Variants in PHF14 observed in about 807,000 individuals in gnomAD.
PHF14 encodes PHD finger protein 14.
A neutral mutation model predicts 117.9 loss-of-function variants in PHF14; 55 were observed. That is an observed-to-expected ratio of 0.47 (90% CI 0.38 to 0.58). PHF14 has a LOEUF of 0.58. PHF14 is among the 20% of genes least tolerant of loss of function. The pLI, the probability that PHF14 is intolerant of heterozygous loss-of-function variation, is 0.00. For missense variants in PHF14, 978 were observed against 1,122.2 expected, an observed-to-expected ratio of 0.87 and a Z score of 1.84; for synonymous variants, 409 against 368.6, an observed-to-expected ratio of 1.11 and a Z score of -1.26.
intron 9 of PHF14, 146 bp from the exon 10 acceptor site, chr7:11,036,839 C>G (rs1322582081): frequency 1.1e-6 from 1 of 950,802 alleles, no homozygotes; most frequent in Non-Finnish European, 1.6e-6. Context: ...TGGGTTTTTA[C>G]AAAATGCTAG....
intron 16 of PHF14, chr7:11,105,235 A>G (rs913886131): frequency 1.0e-6 from 1 of 960,294 alleles, no homozygotes; most frequent in Non-Finnish European, 1.2e-6. Context: ...TGCATTGTTT[A>G]TAGATCATTG....
At chr7:11,026,722 GTT>G (rs577300752) in intron 6 of PHF14, among the ~76,000 whole-genome samples, 3 of 125,858 alleles carry the variant, frequency 2.4e-5, no homozygotes, top group Non-Finnish European at 1.7e-5. Flanking sequence ...GTTGAAGCTT[GTT>G]TTTTTTTTTT....
intron 17 of PHF14, among the ~76,000 whole-genome samples, chr7:11,154,688 C>G (rs1788791947): frequency 6.6e-6 from 1 of 152,114 alleles, no homozygotes; most frequent in Non-Finnish European, 1.5e-5. Flanking sequence ...ATCATGCAGA[C>G]TATAGAGTAA....
intron 3 of PHF14, among the ~76,000 whole-genome samples, chr7:10,985,461 T>A (rs1391203573): frequency 1.3e-5 from 2 of 151,978 alleles, no homozygotes; most frequent in Non-Finnish European, 2.9e-5. Context: ...CTAAGTTCAT[T>A]TGTAGCAAAA....
At chr7:11,039,552 A>G (rs1286284902) in intron 11 of PHF14, among the ~76,000 whole-genome samples, 3 of 152,110 alleles carry the variant, frequency 2.0e-5, no homozygotes, top group Non-Finnish European at 4.4e-5. Context: ...TTTTTTAAGG[A>G]TGATGGAGAC....
chr7:11,021,492 T>C (rs959822445), intron 5 of PHF14, among the ~76,000 whole-genome samples: 2 of 152,178 alleles, frequency 1.3e-5, no homozygotes, highest in African/African-American at 4.8e-5. Context: ...GAGAATGATA[T>C]ACTTGTATGC....
At chr7:11,090,637 T>C (rs1368383109) in intron 16 of PHF14, among the ~76,000 whole-genome samples, 1 of 152,238 alleles carries the variant, frequency 6.6e-6, no homozygotes, top group African/African-American at 2.4e-5. Context: ...AAAGAAATTG[T>C]GGAATCTTGT....
At chr7:11,164,002 A>C (rs1789126833) in intron 17 of PHF14, among the ~76,000 whole-genome samples, 4 of 152,198 alleles carry the variant, frequency 2.6e-5, no homozygotes, top group African/African-American at 9.6e-5. Flanking sequence ...AACATTATTA[A>C]AGTATAGAGA....
chr7:11,007,285 T>C (rs1166770998), intron 4 of PHF14, among the ~76,000 whole-genome samples: 1 of 152,190 alleles, frequency 6.6e-6, no homozygotes, highest in Non-Finnish European at 1.5e-5. Context: ...ATGGTCTTTG[T>C]CTGTTATATG....
intron 4 of PHF14, among the ~76,000 whole-genome samples, chr7:10,996,703 G>T (rs1314909977): frequency 6.6e-6 from 1 of 152,190 alleles, no homozygotes; most frequent in Non-Finnish European, 1.5e-5. Flanking sequence ...CATTTAGGCT[G>T]GGGTTTAAGT....
intron 17 of PHF14, among the ~76,000 whole-genome samples, chr7:11,131,499 A>C (rs1310139850): frequency 1.3e-5 from 2 of 151,896 alleles, no homozygotes; most frequent in Non-Finnish European, 2.9e-5. Context: ...ATTGGGTTGT[A>C]AAATTATTGT....
At chr7:11,096,127 A>T (rs913015605) in intron 16 of PHF14, among the ~76,000 whole-genome samples, 5 of 152,056 alleles carry the variant, frequency 3.3e-5, no homozygotes, top group African/African-American at 1.2e-4. Context: ...CAGTCATGCA[A>T]AGTTCATTTT....
At chr7:11,160,567 T>C (rs573098568) in intron 17 of PHF14, among the ~76,000 whole-genome samples, 17 of 152,324 alleles carry the variant, frequency 1.1e-4, no homozygotes, top group Admixed American at 3.3e-4. Flanking sequence ...CGTTGTTTTT[T>C]GACTTTTTAA....
At chr7:10,987,540 A>G (rs965850299) in intron 3 of PHF14, among the ~76,000 whole-genome samples, 3 of 152,150 alleles carry the variant, frequency 2.0e-5, no homozygotes, top group African/African-American at 4.8e-5. Flanking sequence ...ATAATTTACT[A>G]TAAGTAGTGA....
intron 17 of PHF14, among the ~76,000 whole-genome samples, chr7:11,112,418 CAA>C (rs1319769898): frequency 6.6e-6 from 1 of 151,998 alleles, no homozygotes; most frequent in East Asian, 1.9e-4. Context: ...TTAAAAACTG[CAA>C]AAAGACATTT....
intron 13 of PHF14, among the ~76,000 whole-genome samples, chr7:11,051,273 C>G (rs1234171892): frequency 1.3e-5 from 2 of 151,930 alleles, no homozygotes; most frequent in East Asian, 1.9e-4. Flanking sequence ...GCCTCAGTCT[C>G]CTGAAGTGCT....
chr7:11,136,494 A>G (rs1788224309), intron 17 of PHF14, among the ~76,000 whole-genome samples: 1 of 152,184 alleles, frequency 6.6e-6, no homozygotes, highest in Non-Finnish European at 1.5e-5. Context: ...ACCATTCACA[A>G]GTAAAAACTG....
intron 6 of PHF14, among the ~76,000 whole-genome samples, chr7:11,028,326 T>A (rs191488722): frequency 6.6e-6 from 1 of 152,174 alleles, no homozygotes; most frequent in East Asian, 1.9e-4. Context: ...TTTTGCAACA[T>A]TGTAAAGTTA....
rs116346286 is a variant in PHF14 at position 11,134,408 on chromosome 7, A to G, written c.2772+22941A>G. Among the ~76,000 whole-genome samples, 1,118 of 152,190 alleles carry G rather than the reference A, an allele frequency of 7.3e-3. 12 individuals carry two copies. Among genetic ancestry groups the G allele is most frequent in the African/African-American group, 0.026 (1,066 of 41,560 alleles). ...ATTCATTTTATATTGTTTGCTATAT[A>G]ATTTAAAGATTTCATGGAGTAAAGC... On this transcript the variant is annotated intron_variant, in intron 17 of 17. Transcript: ENST00000634607.
Sources: gnomAD v4.1 joint callset for allele counts (sites outside exome capture counted in the v4.1 genomes callset) on GRCh38, gnomAD v4.1.1 for gene constraint, MANE v1.5 for transcripts, NCBI Gene and HGNC (gene_info 2026-07-23, HGNC 2026-07-21) for gene names.